Variants in SLC35D4 observed in about 807,000 individuals in gnomAD.
The protein encoded by SLC35D4 is UDP-N-acetylglucosamine transporter SLC35D4.
chr18:23,239,452 C>T, the SLC35D4 span, among the ~76,000 whole-genome samples: 2 of 152,226 alleles, frequency 1.3e-5, no homozygotes, highest in Non-Finnish European at 2.9e-5. Context: ...AAGTTCTTGA[C>T]AGTGTGTTGT....
At chr18:23,318,998 C>A in the SLC35D4 span, among the ~76,000 whole-genome samples, 1 of 151,638 alleles carries the variant, frequency 6.6e-6, no homozygotes, top group African/African-American at 2.4e-5. Flanking sequence ...TGCATGCCAC[C>A]ATGCCTGGCT....
the SLC35D4 span, among the ~76,000 whole-genome samples, chr18:23,412,608 C>T: frequency 6.6e-6 from 1 of 152,140 alleles, no homozygotes; most frequent in Non-Finnish European, 1.5e-5. Context: ...CAGAGAGGAT[C>T]ACATTCCCTT....
At chr18:23,332,431 G>A in the SLC35D4 span, among the ~76,000 whole-genome samples, 5 of 72,648 alleles carry the variant, frequency 6.9e-5, no homozygotes, top group Admixed American at 7.1e-4. Flanking sequence ...TGTAGATGTT[G>A]TTTAGCTTTG....
At chr18:23,380,583 C>T in the SLC35D4 span, among the ~76,000 whole-genome samples, 2 of 152,154 alleles carry the variant, frequency 1.3e-5, no homozygotes, top group African/African-American at 2.4e-5. Context: ...TCCAACTCTG[C>T]GTTAAGGCTA....
the SLC35D4 span, among the ~76,000 whole-genome samples, chr18:23,406,176 T>A: frequency 5.3e-5 from 8 of 152,354 alleles, no homozygotes; most frequent in East Asian, 1.5e-3. Context: ...TACATGGTTA[T>A]CCAAATCTTT....
At chr18:23,243,253 A>G in the SLC35D4 span, among the ~76,000 whole-genome samples, 1 of 151,930 alleles carries the variant, frequency 6.6e-6, no homozygotes, top group African/African-American at 2.4e-5. Flanking sequence ...GGGCCTCTTT[A>G]AGAAAATGTC....
the SLC35D4 span, among the ~76,000 whole-genome samples, chr18:23,321,343 T>G: frequency 1.3e-5 from 2 of 152,226 alleles, no homozygotes; most frequent in Admixed American, 1.3e-4. Context: ...GTTTCCCTTT[T>G]TTTATACGTG....
the SLC35D4 span, among the ~76,000 whole-genome samples, chr18:23,406,999 G>A: frequency 3.3e-5 from 5 of 151,870 alleles, no homozygotes; most frequent in Non-Finnish European, 7.4e-5. Context: ...TTGTAGAGAC[G>A]GTGTCTCCCT....
the SLC35D4 span, among the ~76,000 whole-genome samples, chr18:23,283,575 T>A: frequency 6.6e-6 from 1 of 151,402 alleles, no homozygotes; most frequent in East Asian, 1.9e-4. Context: ...TTTGGGAGGC[T>A]GAGGTGGGCG....
the SLC35D4 span, among the ~76,000 whole-genome samples, chr18:23,359,540 A>G: frequency 6.6e-6 from 1 of 152,212 alleles, no homozygotes; most frequent in Non-Finnish European, 1.5e-5. Flanking sequence ...AAGATTACAA[A>G]GCATGAAATT....
chr18:23,437,771 G>A, the SLC35D4 span: 34 of 1,607,368 alleles, frequency 2.1e-5, no homozygotes, highest in Non-Finnish European at 2.6e-5. Flanking sequence ...TCCCGCGCCC[G>A]CCCCCTCACC....
chr18:23,310,382 G>T, the SLC35D4 span: 2 of 685,224 alleles, frequency 2.9e-6, no homozygotes, highest in Non-Finnish European at 3.6e-6. Context: ...TTCCAGAAAG[G>T]TGTCTCAGGA....
At chr18:23,409,560 G>C in the SLC35D4 span, among the ~76,000 whole-genome samples, 193 of 152,310 alleles carry the variant, frequency 1.3e-3, no homozygotes, top group African/African-American at 4.4e-3. Context: ...TAGGAAAAAG[G>C]CTGGGCAAGG....
At chr18:23,254,036 G>C in the SLC35D4 span, 2 of 974,640 alleles carry the variant, frequency 2.1e-6, no homozygotes, top group Non-Finnish European at 3.2e-6. Flanking sequence ...GAAGGATTCT[G>C]ATCCTTAGTC....
the SLC35D4 span, among the ~76,000 whole-genome samples, chr18:23,285,460 A>G: frequency 2.0e-5 from 3 of 152,184 alleles, no homozygotes; most frequent in South Asian, 6.2e-4. Context: ...AATAGCCAGA[A>G]AACGGCACTT....
the SLC35D4 span, among the ~76,000 whole-genome samples, chr18:23,389,097 C>G: frequency 3.6e-3 from 527 of 147,550 alleles, 2 homozygotes; most frequent in African/African-American, 0.013. Context: ...TCAAGTGATT[C>G]TCCTGCCTCA....
chr18:23,359,422 A>G, the SLC35D4 span, among the ~76,000 whole-genome samples: 2 of 151,376 alleles, frequency 1.3e-5, no homozygotes, highest in Admixed American at 1.3e-4. Context: ...ATGTTTTGCT[A>G]CAGCAACACG....
At chr18:23,279,397 G>GATAC in the SLC35D4 span, among the ~76,000 whole-genome samples, 2 of 152,194 alleles carry the variant, frequency 1.3e-5, no homozygotes, top group African/African-American at 4.8e-5. Context: ...CTGTTAGCTG[G>GATAC]ATACATAGCC....
chr18:23,239,281 TGCA>T, the SLC35D4 span, among the ~76,000 whole-genome samples: 3 of 152,258 alleles, frequency 2.0e-5, no homozygotes, highest in Non-Finnish European at 2.9e-5. Flanking sequence ...GCATTGGCTC[TGCA>T]GTCAGTGCTT....
Sources: allele counts gnomAD v4.1 joint callset (sites outside exome capture counted in the v4.1 genomes callset), GRCh38; gene constraint gnomAD v4.1.1; transcripts MANE v1.5; gene names NCBI Gene and HGNC (gene_info 2026-07-23, HGNC 2026-07-21).